Variants in GALNTL6 observed in about 807,000 individuals in gnomAD.
GALNTL6 encodes polypeptide N-acetylgalactosaminyltransferase like 6.
GALNTL6 carries 46 observed loss-of-function variants against 73.7 expected under a neutral mutation model. The observed-to-expected ratio is 0.62, with a 90% CI of 0.49 to 0.80. The LOEUF (loss-of-function observed/expected upper bound fraction) is 0.80, where lower values mean the gene tolerates loss of function less well. Among genes scored for constraint, GALNTL6 ranks in the 30% least tolerant of loss-of-function variants. GALNTL6 has a pLI of 0.00. For missense variants in GALNTL6, 604 were observed against 755.0 expected (o/e 0.80, Z 2.34); for synonymous variants, 259 against 263.7 (o/e 0.98, Z 0.17).
chr4:171,895,740 C>G (rs1259719775), intron 2 of GALNTL6, among the ~76,000 whole-genome samples: 1 of 152,006 alleles, frequency 6.6e-6, no homozygotes, highest in Non-Finnish European at 1.5e-5. Flanking sequence ...CAATAGATGA[C>G]TTAGACACTG....
intron 10 of GALNTL6, among the ~76,000 whole-genome samples, chr4:172,999,860 T>G (rs957628461): frequency 3.3e-5 from 5 of 152,068 alleles, no homozygotes; most frequent in African/African-American, 4.8e-5. Context: ...GTACCCATTA[T>G]GACAATTACA....
intron 2 of GALNTL6, among the ~76,000 whole-genome samples, chr4:172,079,883 A>G (rs1350322185): frequency 6.6e-6 from 1 of 151,868 alleles, no homozygotes; most frequent in East Asian, 1.9e-4. Context: ...AAAAAATTTG[A>G]TTGATACTAG....
In GALNTL6 at chr4:172,123,917, T is replaced by C. The variant is rs1733221870; in HGVS notation, c.139-105739T>C. On this transcript the variant is annotated intron_variant, in intron 2 of 12. Transcript: ENST00000506823. ...TCATCATTTCAGAAATTTTTAGAGT[T>C]CTAAGAATTTTTTATGTCATCCTTT... Among the ~76,000 whole-genome samples the C allele has an allele frequency of 1.3e-5, 2 of 152,176 alleles. 1 individual carries two copies. Among genetic ancestry groups the C allele is most frequent in the South Asian group, 4.1e-4 (2 of 4,836 alleles).
At chr4:172,761,659 C>T (rs1199130902) in intron 5 of GALNTL6, among the ~76,000 whole-genome samples, 1 of 97,888 alleles carries the variant, frequency 1.0e-5, no homozygotes, top group Admixed American at 1.2e-4. Flanking sequence ...GAGCTTCGCC[C>T]TTGCTCTCTT....
At chr4:172,128,598 G>T (rs1277402658) in intron 2 of GALNTL6, among the ~76,000 whole-genome samples, 1 of 151,906 alleles carries the variant, frequency 6.6e-6, no homozygotes, top group East Asian at 1.9e-4. Flanking sequence ...AAAGTAATTT[G>T]GTTTAAAACA....
chr4:172,885,955 T>G (rs1411552599), intron 8 of GALNTL6, among the ~76,000 whole-genome samples: 1 of 152,208 alleles, frequency 6.6e-6, no homozygotes, highest in Non-Finnish European at 1.5e-5. Context: ...GAATTATGTT[T>G]TGTCGAGGGT....
At chr4:172,141,529 A>G (rs1733796586) in intron 2 of GALNTL6, among the ~76,000 whole-genome samples, 1 of 151,980 alleles carries the variant, frequency 6.6e-6, no homozygotes, top group Non-Finnish European at 1.5e-5. Flanking sequence ...AAGTCAACTC[A>G]AGGTAAAAAT....
chr4:173,037,140 A>C (rs1447950107), intron 12 of GALNTL6, among the ~76,000 whole-genome samples: 1 of 152,224 alleles, frequency 6.6e-6, no homozygotes, highest in Non-Finnish European at 1.5e-5. Flanking sequence ...GGACTTGCTG[A>C]GCACTCCCAA....
intron 11 of GALNTL6, among the ~76,000 whole-genome samples, chr4:173,015,211 A>G (rs1340808027): frequency 1.3e-5 from 2 of 152,234 alleles, no homozygotes; most frequent in Non-Finnish European, 2.9e-5. Context: ...AGTCTCAGGT[A>G]TGTCTTTATT....
intron 5 of GALNTL6, among the ~76,000 whole-genome samples, chr4:172,665,673 G>T (rs1387938221): frequency 6.6e-6 from 1 of 152,054 alleles, no homozygotes. Flanking sequence ...CATACTTATA[G>T]TAAAGGGCAG....
At chr4:172,092,880 T>C (rs575488926) in intron 2 of GALNTL6, among the ~76,000 whole-genome samples, 18 of 148,800 alleles carry the variant, frequency 1.2e-4, no homozygotes, top group South Asian at 4.2e-4. Flanking sequence ...CTTTTCTTTT[T>C]TTTTTTTTTT....
chr4:172,374,868 G>A (rs1742969394), intron 5 of GALNTL6, among the ~76,000 whole-genome samples: 1 of 152,176 alleles, frequency 6.6e-6, no homozygotes, highest in Non-Finnish European at 1.5e-5. Context: ...GTTTGCCCTA[G>A]ACCATGTAGG....
intron 4 of GALNTL6, among the ~76,000 whole-genome samples, chr4:172,312,333 T>C (rs775559320): frequency 6.6e-6 from 1 of 152,198 alleles, no homozygotes; most frequent in Non-Finnish European, 1.5e-5. Flanking sequence ...ATGATACTAC[T>C]ATATATACTT....
chr4:171,904,137 G>A (rs575250818), intron 2 of GALNTL6, among the ~76,000 whole-genome samples: 1 of 152,338 alleles, frequency 6.6e-6, no homozygotes, highest in African/African-American at 2.4e-5. Flanking sequence ...GAACAAAGCT[G>A]GACGGAGAAT....
At chr4:172,292,417 A>G (rs1055277752) in intron 3 of GALNTL6, among the ~76,000 whole-genome samples, 7 of 152,142 alleles carry the variant, frequency 4.6e-5, no homozygotes, top group Non-Finnish European at 1.0e-4. Context: ...ATAGGATAAT[A>G]TTGCATGAAT....
intron 2 of GALNTL6, among the ~76,000 whole-genome samples, chr4:171,929,241 C>T (rs1738093575): frequency 6.6e-6 from 1 of 152,032 alleles, no homozygotes; most frequent in Non-Finnish European, 1.5e-5. Flanking sequence ...TAATTTTTTA[C>T]ATTTATTTTT....
chr4:171,873,462 T>C (rs1469197464), intron 2 of GALNTL6, among the ~76,000 whole-genome samples: 1 of 152,162 alleles, frequency 6.6e-6, no homozygotes, highest in African/African-American at 2.4e-5. Flanking sequence ...AAGAGAAAAT[T>C]TAGGAGTAAA....
At chr4:172,464,720 T>C (rs1389158956) in intron 5 of GALNTL6, among the ~76,000 whole-genome samples, 1 of 151,418 alleles carries the variant, frequency 6.6e-6, no homozygotes, top group Non-Finnish European at 1.5e-5. Context: ...AAAATAATAA[T>C]AATAATAATA....
At chr4:172,061,253 C>G (rs1023344213) in intron 2 of GALNTL6, among the ~76,000 whole-genome samples, 3 of 152,130 alleles carry the variant, frequency 2.0e-5, no homozygotes, top group African/African-American at 7.2e-5. Context: ...TCCTTTCAAT[C>G]TGACTAGATA....
Sources: gnomAD v4.1 joint callset for allele counts (sites outside exome capture counted in the v4.1 genomes callset) on GRCh38, gnomAD v4.1.1 for gene constraint, MANE v1.5 for transcripts, NCBI Gene and HGNC (gene_info 2026-07-23, HGNC 2026-07-21) for gene names.